CHCHD7: variants seen among roughly 807,000 people sequenced by gnomAD.
CHCHD7 encodes the protein coiled-coil-helix-coiled-coil-helix domain containing 7, also known as coiled-coil-helix-coiled-coil-helix domain-containing protein 7.
CHCHD7 carries 7 observed loss-of-function variants against 10.5 expected under a neutral mutation model. The ratio of observed to expected loss-of-function variants is 0.67; its 90% CI spans 0.38 to 1.25. The LOEUF is 1.25. Among genes scored for constraint, CHCHD7 ranks in the 50% most tolerant of loss-of-function variants. CHCHD7 has a pLI of 0.02. For synonymous variants in CHCHD7, 40 were observed against 36.0 expected (o/e 1.11, Z -0.40); for missense variants, 100 against 104.5 (o/e 0.96, Z 0.19).
intron 3 of CHCHD7, 40 bp downstream of exon 3, chr8:56,216,571 C>T: frequency 1.2e-6 from 2 of 1,610,436 alleles, no homozygotes; most frequent in South Asian, 1.1e-5. Context: ...AAACCCATCT[C>T]CTAGGGTTGA....
Position 56,216,418 on chromosome 8 carries a change from T to C in CHCHD7, c.55-15T>C, listed in dbSNP as rs745381957. 1.2e-6 allele frequency: 2 copies of C among 1,614,116 alleles called. No individual in the cohort carries two copies. The highest frequency in any genetic ancestry group is 2.2e-5 in the South Asian group (2 of 91,080). ...TGTTCTACCTTTTAAATGATGCCTC[T>C]CTTATATCTGTAAGGAATCTGATGC... is the stretch of plus-strand genomic sequence containing the variant. On this transcript the variant is annotated splice_polypyrimidine_tract_variant and intron_variant, in intron 2 of 3. Coordinates refer to ENST00000355315, the MANE Select transcript of CHCHD7 (RefSeq NM_001011671.3).
intron 1 of CHCHD7, chr8:56,212,659 G>C: frequency 1.8e-6 from 1 of 558,064 alleles, no homozygotes; most frequent in South Asian, 2.6e-5. Context: ...CATTTATTTA[G>C]TACATTCAAA....
At chr8:56,214,312 CCT>C (rs1813208674) in intron 1 of CHCHD7, 1 of 215,274 alleles carries the variant, frequency 4.6e-6, no homozygotes, top group South Asian at 1.3e-4. Flanking sequence ...CTTAAGCAGC[CCT>C]CTCGCTCCAG....
intron 1 of CHCHD7, chr8:56,212,387 C>G (rs954480660): frequency 6.5e-6 from 1 of 154,008 alleles, no homozygotes; most frequent in South Asian, 2.0e-4. Context: ...AGCCGCGGAC[C>G]CTGCCTGGGC....
In CHCHD7 at chr8:56,216,479, G is replaced by A. The variant is rs1813355167; in HGVS notation, c.101G>A (p.Arg34Lys). The change falls in exon 3 of 4, where the codon AGG becomes AAG. Residue 34 changes from arginine (R) to lysine (K), a missense_variant. By Grantham distance (26) the Arg-to-Lys change is conservative. Coordinates refer to ENST00000355315, the MANE Select transcript of CHCHD7 (RefSeq NM_001011671.3). ...TRCLDENNYDRERCSTYFLRY... is the reference protein window; with the variant it reads ...TRCLDENNYDKERCSTYFLRY... ...TGTCTGGATGAAAATAACTATGACA[G>A]GGAAAGGTGTTCCACTTACTTCTTG... is the stretch of plus-strand genomic sequence containing the variant. The A allele has an allele frequency of 1.9e-6, 3 of 1,613,998 alleles. No individual in the cohort carries two copies. The highest frequency in any genetic ancestry group is 2.5e-6 in the Non-Finnish European group (3 of 1,180,010).
intron 3 of CHCHD7, 61 bp from the exon 4 acceptor site, chr8:56,217,270 T>C (rs1813403090): frequency 2.1e-6 from 2 of 937,318 alleles, no homozygotes; most frequent in Non-Finnish European, 3.3e-6. Flanking sequence ...TGGCAAATGA[T>C]TAGCATTTAA....
chr8:56,214,602 AAG>A lies in CHCHD7; in HGVS notation c.-10_-9del. Reference sequence around the variant, plus strand: ...TTTTTTTCTGTCTACCCTCAGTAAGAAGACTGTTAGAATGCCCTCGGTAACAC... The same window carrying A: ...TTTTTTTCTGTCTACCCTCAGTAAGAACTGTTAGAATGCCCTCGGTAACAC... On this transcript the variant is annotated 5_prime_UTR_variant, in exon 2 of 4. Coordinates refer to ENST00000355315, the MANE Select transcript of CHCHD7 (RefSeq NM_001011671.3). The A allele has an allele frequency of 6.2e-7, 1 of 1,611,758 alleles. No individual in the cohort carries two copies. The highest frequency in any genetic ancestry group is 8.5e-7 in the Non-Finnish European group (1 of 1,178,010).
In CHCHD7 at chr8:56,214,666, C is replaced by T. The variant is rs145366604; in HGVS notation, c.53C>T (p.Ser18Leu). Residue 18 changes from serine to leucine, a missense_variant and splice_region_variant, in exon 2 of 4, where the codon TCG becomes TTG. Transcript: ENST00000355315. ...LRDPDINPCLSESDASTRCLD... is the reference protein window; with the variant it reads ...LRDPDINPCLLESDASTRCLD... ...GATCCTGACATAAATCCTTGTTTGT[C>T]GGTAGGATGGTTTGCTTTAATTTTC... is the stretch of plus-strand genomic sequence containing the variant. 3.5e-5 allele frequency: 57 copies of T among 1,612,608 alleles called. No homozygotes were observed. The highest frequency in any genetic ancestry group is 1.7e-4 in the Middle Eastern group (1 of 6,058).
rs751943020 is a variant in CHCHD7, at chr8:56,217,378, G to A, written c.201G>A (p.Met67Ile). 6.2e-6 allele frequency: 10 copies of A among 1,612,804 alleles called. No individual in the cohort carries two copies. The South Asian group carries it at 9.9e-5, about 16-fold the overall frequency. ...GAAAGAACGGAGTGAAGCCATTTAT[G>A]CCTACGGCAGCAGAAAGAGATGAAA... ...QRRKNGVKPF[M>I]PTAAERDEIL... Residue 67 changes from methionine (M) to isoleucine (I), a missense_variant, in exon 4 of 4, where the codon ATG (methionine) becomes ATA (isoleucine). Met to Ile is a conservative substitution (Grantham distance 10). Coordinates refer to ENST00000355315, the MANE Select transcript of CHCHD7 (RefSeq NM_001011671.3).
chr8:56,214,957 A>T, intron 2 of CHCHD7: 1 of 269,242 alleles, frequency 3.7e-6, no homozygotes, highest in South Asian at 7.1e-5. Context: ...CCAAACATGG[A>T]AAACTGGAAG....
Position 56,218,137 on chromosome 8 carries a change from G to C in CHCHD7, c.*702G>C. 1 of 228,042 alleles carries C rather than the reference G, an allele frequency of 4.4e-6. No individual in the cohort carries two copies. The highest frequency in any genetic ancestry group is 8.7e-6 in the Non-Finnish European group (1 of 114,892). 14.1% of individuals were successfully genotyped at this position (228,042 alleles called of 1,614,324 possible). A position where few individuals can be genotyped will look rare whatever the true frequency, so the allele number is the denominator to read the frequency against. ...CTTAAATATTGGGTTGCCTTCTGCA[G>C]CTGTAGTATCAGTTTTTGAACCACA... is the stretch of plus-strand genomic sequence containing the variant. On this transcript the variant is annotated 3_prime_UTR_variant, in exon 4 of 4. Coordinates refer to ENST00000355315, the MANE Select transcript of CHCHD7 (RefSeq NM_001011671.3).
intron 2 of CHCHD7, among the ~76,000 whole-genome samples, chr8:56,216,098 A>C (rs1056944412): frequency 6.6e-6 from 1 of 152,228 alleles, no homozygotes; most frequent in African/African-American, 2.4e-5. Flanking sequence ...TTCTGATTCT[A>C]GTTGTGCAGT....
rs1426511776 is a variant in CHCHD7 at position 56,218,517 on chromosome 8, G to A, written c.*1082G>A. 2 of 213,518 alleles carry A rather than the reference G, an allele frequency of 9.4e-6. No homozygotes were observed. Among genetic ancestry groups the A allele is most frequent in the Non-Finnish European group, 1.9e-5 (2 of 105,884 alleles). 13.2% of individuals were successfully genotyped at this position (213,518 alleles called of 1,614,324 possible). A position where few individuals can be genotyped will look rare whatever the true frequency, so the allele number is the denominator to read the frequency against. On this transcript the variant is annotated 3_prime_UTR_variant, in exon 4 of 4. Transcript: ENST00000355315. Reference sequence around the variant, plus strand: ...CATTGTTTTAATGGCTGCCGACAATGAACTGTCTGTCTGAGTCTAAAACCA... The same window carrying A: ...CATTGTTTTAATGGCTGCCGACAATAAACTGTCTGTCTGAGTCTAAAACCA...
intron 1 of CHCHD7, chr8:56,213,058 A>T: frequency 2.0e-6 from 1 of 492,744 alleles, no homozygotes; most frequent in East Asian, 3.1e-5. Flanking sequence ...GTGTTCTCAC[A>T]TCATAGGATA....
At chr8:56,215,472 A>T (rs1011911499) in intron 2 of CHCHD7, 1 of 152,152 alleles carries the variant, frequency 6.6e-6, no homozygotes, top group African/African-American at 2.4e-5. Flanking sequence ...AAGGCATTAG[A>T]TTCTCCTAAG....
At chr8:56,212,585 C>T (rs1305063951) in intron 1 of CHCHD7, 3 of 377,802 alleles carry the variant, frequency 7.9e-6, no homozygotes, top group Non-Finnish European at 1.4e-5. Flanking sequence ...TTTGTGGCCC[C>T]TCCTTCATAT....
intron 3 of CHCHD7, 111 bp from the exon 4 acceptor site, chr8:56,217,219 GT>G: frequency 1.7e-6 from 1 of 602,958 alleles, no homozygotes. Context: ...AAAAAACTTG[GT>G]TTTTAGAATT....
chr8:56,212,953 T>C, intron 1 of CHCHD7: 1 of 1,225,070 alleles, frequency 8.2e-7, no homozygotes, highest in South Asian at 1.3e-5. Flanking sequence ...AAATATAGAG[T>C]AGGATACTTT....
rs895246948 is a variant in CHCHD7 at position 56,211,894 on chromosome 8, G to C, written c.-17+57G>C. 3 of 152,522 alleles carry C rather than the reference G, an allele frequency of 2.0e-5. No homozygotes were observed. The East Asian group carries it at 5.8e-4, about 29-fold the overall frequency. The allele number at this position is 152,522 out of a possible 1,614,324, so 9.4% of individuals were successfully genotyped here. ...GGCCGCAGAAAAGCGGGGAGAGAGG[G>C]GTGCCCTTGGGCCGTAGCGGGGCCC... On this transcript the variant is annotated intron_variant, in intron 1 of 3. Transcript: ENST00000355315.
Sources: allele counts gnomAD v4.1 joint callset (sites outside exome capture counted in the v4.1 genomes callset), GRCh38; gene constraint gnomAD v4.1.1; transcripts MANE v1.5; gene names NCBI Gene and HGNC (gene_info 2026-07-23, HGNC 2026-07-21).